The following SEMA5A variants were observed in gnomAD, a reference collection of about 807,000 sequenced individuals.
SEMA5A encodes semaphorin 5A, also known as semaphorin-5A.
In SEMA5A, 55 loss-of-function variants were observed where a neutral mutation model predicts 135.5. The observed-to-expected ratio is 0.41, with a 90% CI of 0.33 to 0.51. SEMA5A has a LOEUF of 0.51. SEMA5A is among the 20% of genes least tolerant of loss of function. The probability of loss-of-function intolerance (pLI) is 0.37; values close to 1 mark genes in which losing one functional copy is unlikely to be tolerated. For missense variants in SEMA5A, 1,290 were observed against 1,419.9 expected, an observed-to-expected ratio of 0.91 and a Z score of 1.47; for synonymous variants, 580 against 546.5, an observed-to-expected ratio of 1.06 and a Z score of -0.85.
intron 2 of SEMA5A, among the ~76,000 whole-genome samples, chr5:9,426,252 C>T (rs573254141): frequency 1.6e-3 from 247 of 151,578 alleles, no homozygotes; most frequent in African/African-American, 5.5e-3. Flanking sequence ...GGTGAAACCC[C>T]GTCTCTACTA....
intron 8 of SEMA5A, among the ~76,000 whole-genome samples, chr5:9,210,049 A>G (rs1746258252): frequency 6.6e-6 from 1 of 152,200 alleles, no homozygotes; most frequent in South Asian, 2.1e-4. Context: ...TATCTTCACT[A>G]CAGTGAGGCA....
At chr5:9,530,361 A>T (rs1166470014) in intron 1 of SEMA5A, among the ~76,000 whole-genome samples, 1 of 152,202 alleles carries the variant, frequency 6.6e-6, no homozygotes, top group East Asian at 1.9e-4. Flanking sequence ...ACAGAATTTG[A>T]TGGATAATTA....
chr5:9,370,507 T>G (rs1419260926), intron 3 of SEMA5A, among the ~76,000 whole-genome samples: 1 of 152,134 alleles, frequency 6.6e-6, no homozygotes. Flanking sequence ...GTGATTAGAC[T>G]TGCCCCTGAG....
At chr5:9,257,709 T>C (rs1463073186) in intron 5 of SEMA5A, among the ~76,000 whole-genome samples, 2 of 152,234 alleles carry the variant, frequency 1.3e-5, no homozygotes, top group South Asian at 4.1e-4. Context: ...GCACCACTAG[T>C]GGTTCAGAAC....
chr5:9,459,551 A>T (rs1040692797), intron 1 of SEMA5A, among the ~76,000 whole-genome samples: 2 of 152,226 alleles, frequency 1.3e-5, no homozygotes, highest in African/African-American at 2.4e-5. Context: ...ACCCTGAAGC[A>T]GATCCTTCCC....
At chr5:9,136,950 T>C (rs895596380) in intron 12 of SEMA5A, among the ~76,000 whole-genome samples, 2 of 152,238 alleles carry the variant, frequency 1.3e-5, no homozygotes, top group African/African-American at 2.4e-5. Context: ...AATATAGCTG[T>C]GCTCACCACT....
intron 5 of SEMA5A, among the ~76,000 whole-genome samples, chr5:9,295,785 A>C (rs917140715): frequency 6.6e-6 from 1 of 152,206 alleles, no homozygotes; most frequent in African/African-American, 2.4e-5. Flanking sequence ...CTGGATATAA[A>C]ATAATAACTC....
At chr5:9,304,437 C>T (rs1284949108) in intron 5 of SEMA5A, among the ~76,000 whole-genome samples, 1 of 151,944 alleles carries the variant, frequency 6.6e-6, no homozygotes, top group Non-Finnish European at 1.5e-5. Context: ...TCTTTTCATA[C>T]TTTATGAATA....
intron 3 of SEMA5A, among the ~76,000 whole-genome samples, chr5:9,350,772 T>A (rs2054127701): frequency 6.6e-6 from 1 of 152,214 alleles, no homozygotes; most frequent in Non-Finnish European, 1.5e-5. Flanking sequence ...TTCCCAAGCT[T>A]TTCTGAGCTC....
chr5:9,102,569 GA>G (rs1325463680), intron 16 of SEMA5A, among the ~76,000 whole-genome samples: 1 of 152,106 alleles, frequency 6.6e-6, no homozygotes, highest in Non-Finnish European at 1.5e-5. Flanking sequence ...AATGTATCCT[GA>G]AAAATATAGT....
At chr5:9,407,441 G>A (rs553588126) in intron 2 of SEMA5A, among the ~76,000 whole-genome samples, 2 of 152,146 alleles carry the variant, frequency 1.3e-5, no homozygotes, top group Non-Finnish European at 2.9e-5. Context: ...AGAAAAACAG[G>A]CTTCTGTTAC....
At chr5:9,044,898 C>T (rs926040565) in intron 21 of SEMA5A, among the ~76,000 whole-genome samples, 10 of 152,094 alleles carry the variant, frequency 6.6e-5, no homozygotes, top group African/African-American at 1.9e-4. Context: ...GATTCTCCTG[C>T]CTCAGCCTCC....
At chr5:9,421,367 G>A (rs1252236694) in intron 2 of SEMA5A, among the ~76,000 whole-genome samples, 1 of 152,112 alleles carries the variant, frequency 6.6e-6, no homozygotes, top group South Asian at 2.1e-4. Context: ...TACTTGATTG[G>A]TACACATTCA....
At chr5:9,506,021 T>C (rs1735862967) in intron 1 of SEMA5A, among the ~76,000 whole-genome samples, 1 of 149,968 alleles carries the variant, frequency 6.7e-6, no homozygotes, top group Non-Finnish European at 1.5e-5. Context: ...CTCAACCTCA[T>C]GTGAAACTTT....
At chr5:9,442,680 G>A (rs868183919) in intron 1 of SEMA5A, among the ~76,000 whole-genome samples, 2 of 152,070 alleles carry the variant, frequency 1.3e-5, no homozygotes, top group African/African-American at 2.4e-5. Flanking sequence ...ATGGCCTATC[G>A]CATTGGAATT....
At chr5:9,110,924 C>T (rs1241663238) in intron 15 of SEMA5A, among the ~76,000 whole-genome samples, 2 of 152,122 alleles carry the variant, frequency 1.3e-5, no homozygotes, top group Non-Finnish European at 1.5e-5. Context: ...ATTAAGAGAT[C>T]ATGGCCTCTA....
At chr5:9,370,881 C>T (rs1459283466) in intron 3 of SEMA5A, among the ~76,000 whole-genome samples, 2 of 152,172 alleles carry the variant, frequency 1.3e-5, no homozygotes, top group Non-Finnish European at 2.9e-5. Flanking sequence ...CCAACTCTTC[C>T]TCTGTACATA....
In SEMA5A at chr5:9,037,810, A is replaced by T. The variant is rs1236383217; in HGVS notation, c.*5087T>A. The T allele has an allele frequency of 2.0e-5, 3 of 152,234 alleles. No individual in the cohort carries two copies. The highest frequency in any genetic ancestry group is 7.2e-5 in the African/African-American group (3 of 41,468). The allele number at this position is 152,234 out of a possible 1,614,324, so 9.4% of individuals were successfully genotyped here. On this transcript the variant is annotated 3_prime_UTR_variant, in exon 23 of 23. Transcript: ENST00000382496. ...TTAGTGTTTGTAGAGTTTAAAAAAA[A>T]ATCTTTAAATCCATTATAATTAATG...
At chr5:9,144,603 C>T (rs957571253) in intron 12 of SEMA5A, among the ~76,000 whole-genome samples, 3 of 152,152 alleles carry the variant, frequency 2.0e-5, no homozygotes, top group African/African-American at 4.8e-5. Context: ...GCTGGGCAGC[C>T]GGTGACAGTG....
Sources: allele counts gnomAD v4.1 joint callset (sites outside exome capture counted in the v4.1 genomes callset), GRCh38; gene constraint gnomAD v4.1.1; transcripts MANE v1.5; gene names NCBI Gene and HGNC (gene_info 2026-07-23, HGNC 2026-07-21).